IGSF9B: variants seen among roughly 807,000 people sequenced by gnomAD.
The protein encoded by IGSF9B is protein turtle homolog B.
A neutral mutation model predicts 143.7 loss-of-function variants in IGSF9B; 48 were observed. The ratio of observed to expected loss-of-function variants is 0.33; its 90% CI spans 0.26 to 0.42. The LOEUF (loss-of-function observed/expected upper bound fraction) is 0.42. Ranked by LOEUF, IGSF9B falls within the 20% of genes least tolerant of loss-of-function variation. The pLI is 1.00. For synonymous variants in IGSF9B, 903 were observed against 833.1 expected, an observed-to-expected ratio of 1.08 and a Z score of -1.44; for missense variants, 1,706 against 1,980.0, an observed-to-expected ratio of 0.86 and a Z score of 2.63.
In IGSF9B at chr11:133,928,153, C is replaced by T. The variant is rs1334567648; in HGVS notation, c.1632-1062G>A. Among the ~76,000 whole-genome samples, 1 of 152,160 alleles carries T rather than the reference C, an allele frequency of 6.6e-6. No individual in the cohort carries two copies. Among genetic ancestry groups the T allele is most frequent in the Non-Finnish European group, 1.5e-5 (1 of 68,018 alleles). ...AGCCCCAATCTACACCTGAGCCCCC[C>T]ATCGTATGCCCAGACCTCCCACCCA... On this transcript the variant is annotated intron_variant, in intron 12 of 19. Coordinates refer to ENST00000533871, the MANE Select transcript of IGSF9B (RefSeq NM_001277285.4). This position sits in a 1 kb window ranked among gnomAD's most constrained non-coding sequence, Gnocchi z 4.7.
chr11:133,947,239 T>C (rs1940070852), intron 1 of IGSF9B, among the ~76,000 whole-genome samples: 2 of 152,062 alleles, frequency 1.3e-5, no homozygotes, highest in Non-Finnish European at 2.9e-5. Context: ...AAAGAAGGCA[T>C]GCAGCCCTCC....
chr11:133,942,003 CT>C (rs1565445782), intron 3 of IGSF9B, among the ~76,000 whole-genome samples: 2 of 152,220 alleles, frequency 1.3e-5, no homozygotes, highest in Admixed American at 6.5e-5. Flanking sequence ...AGGGTCATGC[CT>C]CCTGCTGTAT....
intron 14 of IGSF9B, among the ~76,000 whole-genome samples, chr11:133,925,403 C>A (rs542568308): frequency 6.6e-6 from 1 of 152,322 alleles, no homozygotes; most frequent in South Asian, 2.1e-4. Flanking sequence ...AACTTCTCTG[C>A]CCACCCCAGG....
intron 1 of IGSF9B, among the ~76,000 whole-genome samples, chr11:133,949,741 T>G (rs1290555510): frequency 2.5e-3 from 235 of 95,278 alleles, no homozygotes; most frequent in Middle Eastern, 5.1e-3. Context: ...CTGAAGGGAG[T>G]GGGGAGGAAG....
rs1939220880 is a variant in IGSF9B at position 133,907,087 on chromosome 11, A to C, written c.*1982T>G. 6.6e-6 allele frequency among the ~76,000 whole-genome samples: 1 copy of C among 152,156 alleles called. No individual in the cohort carries two copies. Among genetic ancestry groups the C allele is most frequent in the African/African-American group, 2.4e-5 (1 of 41,436 alleles). ...GAGAAGCACATCAACTGGAAGGCCC[A>C]GGTTCCACCCCAAGGGTGCACGGCC... On this transcript the variant is annotated 3_prime_UTR_variant, in exon 20 of 20. Coordinates refer to ENST00000533871, the MANE Select transcript of IGSF9B (RefSeq NM_001277285.4).
rs1159814449 is a variant in IGSF9B at position 133,909,243 on chromosome 11, G to A, written c.4140C>T (p.Asn1380=). The A allele has an allele frequency of 4.6e-6, 7 of 1,535,794 alleles. No individual in the cohort carries two copies. In the Admixed American group the frequency reaches 5.9e-5, roughly 13 times the overall value. The change falls in exon 20 of 20, where the codon AAC becomes AAT. Residue 1380 remains asparagine, a synonymous_variant. Coordinates refer to ENST00000533871, the MANE Select transcript of IGSF9B (RefSeq NM_001277285.4). This position sits in a 1 kb window ranked among gnomAD's most constrained non-coding sequence, Gnocchi z 4.2. Reference sequence around the variant, plus strand: ...CTTCATCGGGCCACAGAACCTGAGAGTTGGGAAGCTGCTGAGTCTGGGAGG... The same window carrying A: ...CTTCATCGGGCCACAGAACCTGAGAATTGGGAAGCTGCTGAGTCTGGGAGG... ...DSASQTQQLP[N]SQVLWPDEAV...
rs1309669942 is a variant in IGSF9B at position 133,909,007 on chromosome 11, C to T, written c.*62G>A. The T allele has an allele frequency of 1.5e-5, 21 of 1,385,304 alleles. No homozygotes were observed. Among genetic ancestry groups the T allele is most frequent in the Non-Finnish European group, 1.8e-5 (18 of 1,014,876 alleles). 85.8% of individuals were successfully genotyped at this position (1,385,304 alleles called of 1,614,324 possible). A position where few individuals can be genotyped will look rare whatever the true frequency, so the allele number is the denominator to read the frequency against. On this transcript the variant is annotated 3_prime_UTR_variant, in exon 20 of 20. Transcript: ENST00000533871. This position sits in a 1 kb window ranked among gnomAD's most constrained non-coding sequence, Gnocchi z 4.2. ...AGACGGAGGAGGACACACCCCCACA[C>T]AGTGGCCCTCCCTGCCTGAGCCCAG... is the stretch of plus-strand genomic sequence containing the variant.
intron 3 of IGSF9B, among the ~76,000 whole-genome samples, chr11:133,938,428 A>C (rs1429446002): frequency 6.6e-6 from 1 of 151,874 alleles, no homozygotes; most frequent in Admixed American, 6.6e-5. Flanking sequence ...GCGGAACCTC[A>C]TTTTCCCAGA....
chr11:133,944,134 G>T lies in IGSF9B; in HGVS notation c.409+86C>A, dbSNP rs1286675306. The T allele has an allele frequency of 3.5e-6, 5 of 1,419,022 alleles. No individual in the cohort carries two copies. The African/African-American group carries it at 4.3e-5, about 12-fold the overall frequency. The allele number at this position is 1,419,022 out of a possible 1,614,324, so 87.9% of individuals were successfully genotyped here. A position where few individuals can be genotyped will look rare whatever the true frequency, so the allele number is the denominator to read the frequency against. ...GGGGTGAGATGCAGTTGGGAGAAGGGCTTCCCCTGGGGCAGGCCCACCCCG... is the reference window on the plus strand; with the variant it reads ...GGGGTGAGATGCAGTTGGGAGAAGGTCTTCCCCTGGGGCAGGCCCACCCCG... On this transcript the variant is annotated intron_variant, in intron 3 of 19. Transcript: ENST00000533871.
chr11:133,922,302 A>G lies in IGSF9B; in HGVS notation c.2282-80T>C, dbSNP rs73596850. ...CACGCGCATCTGCAGAGGCTGACAG[A>G]GCCGGAGCACCACCGCACAGGGAAG... is the stretch of plus-strand genomic sequence containing the variant. On this transcript the variant is annotated intron_variant, in intron 16 of 19. Transcript: ENST00000533871. The G allele has an allele frequency of 0.014, 18,508 of 1,321,082 alleles. 2,071 individuals are homozygous for G. The African/African-American group carries it at 0.24, about 17-fold the overall frequency. 81.8% of individuals were successfully genotyped at this position (1,321,082 alleles called of 1,614,324 possible). A position where few individuals can be genotyped will look rare whatever the true frequency, so the allele number is the denominator to read the frequency against.
intron 17 of IGSF9B, 119 bp downstream of exon 17, chr11:133,922,058 C>T (rs1266603618): frequency 1.2e-6 from 1 of 810,856 alleles, no homozygotes; most frequent in South Asian, 1.5e-5. Context: ...AATTAACACA[C>T]AGGTCAATCA....
At position 133,909,567 on chromosome 11, in the gene IGSF9B, T is replaced by C. The variant is rs1163630703; in HGVS notation, c.4106-290A>G. On this transcript the variant is annotated intron_variant, in intron 19 of 19. Coordinates refer to ENST00000533871, the MANE Select transcript of IGSF9B (RefSeq NM_001277285.4). The surrounding 1 kb of genome is among the most constrained non-coding windows in gnomAD (Gnocchi z 4.2). ...CTTTCTCGATCAGTCTACAAATATT[T>C]CTTTTAGTGCCTCTTGAGTACTAGG... 6.6e-6 allele frequency among the ~76,000 whole-genome samples: 1 copy of C among 152,218 alleles called. No homozygotes were observed. The highest frequency in any genetic ancestry group is 2.4e-5 in the African/African-American group (1 of 41,448).
intron 18 of IGSF9B, among the ~76,000 whole-genome samples, chr11:133,918,515 C>A (rs971692513): frequency 3.3e-5 from 5 of 152,160 alleles, no homozygotes; most frequent in African/African-American, 4.8e-5. Flanking sequence ...GCGGCCGCGG[C>A]ACCTCCGCGC....
chr11:133,949,473 G>A (rs1273369270), intron 1 of IGSF9B, among the ~76,000 whole-genome samples: 1 of 152,130 alleles, frequency 6.6e-6, no homozygotes, highest in Admixed American at 6.5e-5. Context: ...AATCAGGCTA[G>A]CAGTAAAGAG....
In IGSF9B at chr11:133,931,721, A is replaced by G. The variant is rs746169552; in HGVS notation, c.1185T>C (p.Tyr395=). Residue 395 remains tyrosine, a synonymous_variant, in exon 9 of 20, where the codon TAT becomes TAC. Transcript: ENST00000533871. This position sits in a 1 kb window ranked among gnomAD's most constrained non-coding sequence, Gnocchi z 7.7. ...CCAGAGTGTTGTAAGGCACACAGGT[A>G]TAAGTGCCAAGAGCCTCCTCTGTGG... ...EEATEEALGT[Y]TCVPYNTLGT... 8.1e-6 allele frequency: 13 copies of G among 1,612,006 alleles called. No homozygotes were observed. The highest frequency in any genetic ancestry group is 4.0e-5 in the African/African-American group (3 of 74,826).
At chr11:133,929,270 A>G (rs1939681073) in intron 12 of IGSF9B, among the ~76,000 whole-genome samples, 1 of 152,240 alleles carries the variant, frequency 6.6e-6, no homozygotes, top group Admixed American at 6.5e-5. Flanking sequence ...AATTACAAAT[A>G]CAAAAATACA....
In IGSF9B at chr11:133,937,372, C is replaced by A; in HGVS notation, c.679+4G>T. On this transcript the variant is annotated splice_donor_region_variant and intron_variant, in intron 5 of 19. Coordinates refer to ENST00000533871, the MANE Select transcript of IGSF9B (RefSeq NM_001277285.4). ...GTTAAAGAGGCTGAGGAAATGGCTC[C>A]TACCTTGGACAAGCAGGTGAGTCGT... 2 of 1,604,426 alleles carry A rather than the reference C, an allele frequency of 1.2e-6. No homozygotes were observed. Among genetic ancestry groups the A allele is most frequent in the East Asian group, 2.2e-5 (1 of 44,704 alleles).
intron 18 of IGSF9B, chr11:133,919,124 G>GGA (rs557402535): frequency 8.1e-6 from 3 of 368,528 alleles, no homozygotes; most frequent in East Asian, 9.9e-5. Context: ...TATACGGGGG[G>GGA]GGGGTGGGGG....
rs1394425307 is a variant in IGSF9B at position 133,945,437 on chromosome 11, C to T, written c.262+624G>A. ...GCCTGCTTCCTCCCTTCCTTTCAAC[C>T]CCAACAACGCTCGCTCAATGACACG... On this transcript the variant is annotated intron_variant, in intron 2 of 19. Coordinates refer to ENST00000533871, the MANE Select transcript of IGSF9B (RefSeq NM_001277285.4). This position sits in a 1 kb window ranked among gnomAD's most constrained non-coding sequence, Gnocchi z 4.6. 1.3e-5 allele frequency among the ~76,000 whole-genome samples: 2 copies of T among 152,156 alleles called. No homozygotes were observed. The highest frequency in any genetic ancestry group is 4.8e-5 in the African/African-American group (2 of 41,442).
Sources: allele counts gnomAD v4.1 joint callset (sites outside exome capture counted in the v4.1 genomes callset), GRCh38; gene constraint gnomAD v4.1.1; non-coding constraint Gnocchi (gnomAD v3.1); transcripts MANE v1.5; gene names NCBI Gene and HGNC (gene_info 2026-07-23, HGNC 2026-07-21).